The following CACNA1E variants were observed in gnomAD, a reference collection of about 807,000 sequenced individuals.
CACNA1E encodes calcium voltage-gated channel subunit alpha1 E, also known as voltage-dependent R-type calcium channel subunit alpha-1E.
In CACNA1E, 40 loss-of-function variants were observed where a neutral mutation model predicts 259.2. The ratio of observed to expected loss-of-function variants is 0.15; its 90% CI spans 0.12 to 0.20. The LOEUF is 0.20. CACNA1E is among the 10% of genes least tolerant of loss of function. The pLI is 1.00. For synonymous variants in CACNA1E, 1,104 were observed against 1,138.5 expected, an observed-to-expected ratio of 0.97 and a Z score of 0.61; for missense variants, 1,874 against 3,040.1, an observed-to-expected ratio of 0.62 and a Z score of 9.02.
chr1:181,446,379 G>A (rs954107314), intron 2 of CACNA1E, among the ~76,000 whole-genome samples: 8 of 152,282 alleles, frequency 5.3e-5, no homozygotes, highest in Admixed American at 2.6e-4. Flanking sequence ...GCATACAGTC[G>A]GCCTAATGGA....
chr1:181,799,119 A>G lies in CACNA1E; in HGVS notation c.*285A>G. On this transcript the variant is annotated 3_prime_UTR_variant, in exon 48 of 48. Coordinates refer to ENST00000367573, the MANE Select transcript of CACNA1E (RefSeq NM_001205293.3). Reference sequence around the variant, plus strand: ...TTACTGCGGGAGAAGGGACACGAGGATGGCTTTGCTTCCCCTTGCCCCTTC... The same window carrying G: ...TTACTGCGGGAGAAGGGACACGAGGGTGGCTTTGCTTCCCCTTGCCCCTTC... 3 of 303,384 alleles carry G rather than the reference A, an allele frequency of 9.9e-6. No homozygotes were observed. The highest frequency in any genetic ancestry group is 1.8e-5 in the Non-Finnish European group (3 of 164,704). 18.8% of individuals were successfully genotyped at this position (303,384 alleles called of 1,614,324 possible). A position where few individuals can be genotyped will look rare whatever the true frequency, so the allele number is the denominator to read the frequency against.
Position 181,580,623 on chromosome 1 carries a change from C to T in CACNA1E, c.798C>T (p.His266=), listed in dbSNP as rs1651428321. ...SGILEGFDPP[H]PCGVQGCPAG... ...TTCTAGAAGGATTTGACCCCCCTCACCCATGTGGTGTGCAGGGCTGCCCAG... is the reference window on the plus strand; with the variant it reads ...TTCTAGAAGGATTTGACCCCCCTCATCCATGTGGTGTGCAGGGCTGCCCAG... The change falls in exon 6 of 48, where the codon CAC becomes CAT. Residue 266 remains histidine, a synonymous_variant. Transcript: ENST00000367573. 6.2e-7 allele frequency: 1 copy of T among 1,613,964 alleles called. No individual in the cohort carries two copies. Among genetic ancestry groups the T allele is most frequent in the African/African-American group, 1.3e-5 (1 of 74,958 alleles).
rs538275651 is a variant in CACNA1E at position 181,322,818 on chromosome 1, T to C, written c.-15+4695T>C. Among the ~76,000 whole-genome samples the C allele has an allele frequency of 6.0e-4, 92 of 152,156 alleles. 1 individual carries two copies. The highest frequency in any genetic ancestry group is 1.2e-3 in the Non-Finnish European group (84 of 68,006). ...TTCCTCCATAAACACTAGTCTGGGC[T>C]TGGGGTGAAGAGAGAGTGCTCTAGA... On this transcript the variant is annotated intron_variant, in intron 1 of 11. Coordinates refer to the CACNA1E transcript ENST00000524607.
At chr1:181,795,210 C>T (rs1286993002) in intron 46 of CACNA1E, among the ~76,000 whole-genome samples, 166 bp downstream of exon 46, 2 of 152,196 alleles carry the variant, frequency 1.3e-5, no homozygotes, top group Non-Finnish European at 2.9e-5. Context: ...TGACTTACAT[C>T]CTGAAACAGG....
In CACNA1E at chr1:181,738,025, G is replaced by A. The variant is rs181277154; in HGVS notation, c.3553-342G>A. Among the ~76,000 whole-genome samples, 23 of 152,358 alleles carry A rather than the reference G, an allele frequency of 1.5e-4. No homozygotes were observed. In the East Asian group the frequency reaches 3.3e-3, roughly 22 times the overall value. On this transcript the variant is annotated intron_variant, in intron 23 of 47. Coordinates refer to ENST00000367573, the MANE Select transcript of CACNA1E (RefSeq NM_001205293.3). ...GTATGTGTCAGGAGACATGAGGGACGCGAGGAGGACAGGAGCTGACAAGGA... is the reference window on the plus strand; with the variant it reads ...GTATGTGTCAGGAGACATGAGGGACACGAGGAGGACAGGAGCTGACAAGGA...
chr1:181,551,349 T>C (rs960298362), intron 3 of CACNA1E, among the ~76,000 whole-genome samples: 2 of 152,096 alleles, frequency 1.3e-5, no homozygotes, highest in African/African-American at 4.8e-5. Flanking sequence ...GTTGCCATGG[T>C]GATGGTGGGT....
chr1:181,354,702 G>T (rs935691384), intron 1 of CACNA1E, among the ~76,000 whole-genome samples: 4 of 152,194 alleles, frequency 2.6e-5, no homozygotes, highest in African/African-American at 9.7e-5. Context: ...GAGGGAGACA[G>T]GGAAAAGGGC....
rs772844329 is a variant in CACNA1E at position 181,772,084 on chromosome 1, C to A, written c.4992C>A (p.Ala1664=). ...MLLFRSATGE[A]WQEIMLSCLG... ...GGCTCAGGAGTGCCACAGGTGAGGC[C>A]TGGCAGGAGATTATGCTGTCATGCC... Residue 1664 remains alanine (A), a synonymous_variant, in exon 37 of 48, where the codon GCC becomes GCA. Transcript: ENST00000367573. 6.2e-7 allele frequency: 1 copy of A among 1,613,936 alleles called. No homozygotes were observed. Among genetic ancestry groups the A allele is most frequent in the Non-Finnish European group, 8.5e-7 (1 of 1,179,866 alleles).
intron 1 of CACNA1E, among the ~76,000 whole-genome samples, chr1:181,324,824 G>T (rs982151790): frequency 1.3e-5 from 2 of 152,156 alleles, no homozygotes; most frequent in Non-Finnish European, 2.9e-5. Context: ...TAGTGTTCTT[G>T]AGTAAGTTCC....
chr1:181,505,664 G>C (rs1029949969), intron 1 of CACNA1E, among the ~76,000 whole-genome samples: 1 of 152,010 alleles, frequency 6.6e-6, no homozygotes, highest in South Asian at 2.1e-4. Context: ...GTGAGCCACC[G>C]CACCTGGCCT....
intron 2 of CACNA1E, among the ~76,000 whole-genome samples, chr1:181,476,566 C>T (rs947351315): frequency 6.6e-6 from 1 of 152,222 alleles, no homozygotes; most frequent in Admixed American, 6.5e-5. Flanking sequence ...AGGCAAGACA[C>T]GAATCCAACC....
chr1:181,646,501 C>G (rs1329138103), intron 6 of CACNA1E, among the ~76,000 whole-genome samples: 2 of 152,200 alleles, frequency 1.3e-5, no homozygotes, highest in African/African-American at 4.8e-5. Flanking sequence ...GAATCAGCAT[C>G]TGCCTTACTC....
chr1:181,766,486 G>A, intron 34 of CACNA1E, 60 bp from the exon 35 acceptor site: 2 of 1,245,608 alleles, frequency 1.6e-6, no homozygotes, highest in Admixed American at 3.5e-5. Flanking sequence ...GTGACTGCAG[G>A]TTGTTGAGCT....
At chr1:181,445,852 TG>T (rs1269165402) in intron 2 of CACNA1E, among the ~76,000 whole-genome samples, 1 of 152,248 alleles carries the variant, frequency 6.6e-6, no homozygotes, top group Non-Finnish European at 1.5e-5. Context: ...TTTTCACCTT[TG>T]CACATGGCTC....
intron 1 of CACNA1E, among the ~76,000 whole-genome samples, chr1:181,346,331 A>G (rs1652591973): frequency 6.6e-6 from 1 of 152,186 alleles, no homozygotes; most frequent in African/African-American, 2.4e-5. Flanking sequence ...TCACCATGTA[A>G]AGTGCCATTT....
chr1:181,467,373 T>C (rs1053416889), intron 2 of CACNA1E, among the ~76,000 whole-genome samples: 1 of 152,216 alleles, frequency 6.6e-6, no homozygotes, highest in African/African-American at 2.4e-5. Context: ...AGCATGAGTG[T>C]AGGAGTTTTC....
At chr1:181,735,855 T>A (rs1021347693) in intron 21 of CACNA1E, among the ~76,000 whole-genome samples, 1 of 152,140 alleles carries the variant, frequency 6.6e-6, no homozygotes, top group Non-Finnish European at 1.5e-5. Flanking sequence ...ATCTGTATCA[T>A]GGGAGTAATA....
chr1:181,792,250 C>A (rs1253521596), intron 44 of CACNA1E, among the ~76,000 whole-genome samples: 2 of 152,222 alleles, frequency 1.3e-5, no homozygotes, highest in African/African-American at 4.8e-5. Flanking sequence ...TCTGCGGGTT[C>A]CCCAGGGCTG....
chr1:181,664,440 T>C (rs940202885), intron 7 of CACNA1E, among the ~76,000 whole-genome samples: 10 of 152,236 alleles, frequency 6.6e-5, no homozygotes, highest in Non-Finnish European at 1.0e-4. Context: ...ATGTAATCTA[T>C]ATTTTATGTA....
Sources: allele counts gnomAD v4.1 joint callset (sites outside exome capture counted in the v4.1 genomes callset), GRCh38; gene constraint gnomAD v4.1.1; transcripts MANE v1.5; gene names NCBI Gene and HGNC (gene_info 2026-07-23, HGNC 2026-07-21).